The following CNTNAP3B variants were observed in gnomAD, a reference collection of about 807,000 sequenced individuals.
CNTNAP3B encodes the protein contactin-associated protein-like 3B.
CNTNAP3B carries 25 observed loss-of-function variants against 108.9 expected under a neutral mutation model. The observed-to-expected ratio is 0.23, with a 90% confidence interval of 0.17 to 0.32. The LOEUF (loss-of-function observed/expected upper bound fraction) is 0.32, where lower values mean the gene tolerates loss of function less well. Among genes scored for constraint, CNTNAP3B ranks in the 10% least tolerant of loss-of-function variants. The probability of loss-of-function intolerance (pLI) is 1.00; values close to 1 mark genes in which losing one functional copy is unlikely to be tolerated. For synonymous variants in CNTNAP3B, 103 were observed against 473.4 expected (o/e 0.22, Z 10.16); for missense variants, 252 against 1,210.4 (o/e 0.21, Z 11.75).
intron 13 of CNTNAP3B, among the ~76,000 whole-genome samples, chr9:41,952,159 C>T (rs1442649236): frequency 5.2e-5 from 8 of 152,384 alleles, no homozygotes; most frequent in African/African-American, 1.7e-4. Context: ...GTTAGTGGAT[C>T]AGCGCAAACC....
chr9:42,127,691 A>C lies in CNTNAP3B; in HGVS notation c.85+1319T>G, dbSNP rs1452614530. On this transcript the variant is annotated intron_variant, in intron 1 of 23. Coordinates refer to ENST00000377561, the MANE Select transcript of CNTNAP3B (RefSeq NM_001201380.3). ...CAAAAGCAGATTAAAGTTGAATCTGAAACACGGTACAGCATCTGACCAAAG... is the reference window on the plus strand; with the variant it reads ...CAAAAGCAGATTAAAGTTGAATCTGCAACACGGTACAGCATCTGACCAAAG... Among the ~76,000 whole-genome samples the C allele has an allele frequency of 5.0e-5, 7 of 139,976 alleles. 2 individuals carry two copies. Among genetic ancestry groups the C allele is most frequent in the Non-Finnish European group, 1.1e-4 (7 of 65,200 alleles). The allele number at this position is 139,976 out of a possible 152,430, so 91.8% of individuals were successfully genotyped here.
Position 42,083,142 on chromosome 9 carries a change from C to T in CNTNAP3B, c.197-6080G>A, listed in dbSNP as rs1012350944. Among the ~76,000 whole-genome samples the T allele has an allele frequency of 1.6e-5, 2 of 126,884 alleles. 1 individual carries two copies. Among genetic ancestry groups the T allele is most frequent in the African/African-American group, 6.5e-5 (2 of 30,742 alleles). 83.2% of individuals were successfully genotyped at this position (126,884 alleles called of 152,430 possible). A position where few individuals can be genotyped will look rare whatever the true frequency, so the allele number is the denominator to read the frequency against. On this transcript the variant is annotated intron_variant, in intron 2 of 23. Coordinates refer to ENST00000377561, the MANE Select transcript of CNTNAP3B (RefSeq NM_001201380.3). ...ATGTTCTTTCATCAGAGAACATAAT[C>T]CTAAACATGCAAACACTTAATAACA...
chr9:41,925,984 G>A lies in CNTNAP3B; in HGVS notation c.2366-1891C>T, dbSNP rs1465653855. Among the ~76,000 whole-genome samples the A allele has an allele frequency of 2.0e-5, 3 of 152,410 alleles. No individual in the cohort carries two copies. The East Asian group carries it at 5.8e-4, about 29-fold the overall frequency. On this transcript the variant is annotated intron_variant, in intron 15 of 23. Transcript: ENST00000377561. ...GGTGTCATTGCTTCTAGCCCTCTCA[G>A]TAGTCAGCTAGGAAATATGTGTATT...
intron 2 of CNTNAP3B, among the ~76,000 whole-genome samples, chr9:42,095,606 A>C (rs1475200795): frequency 7.3e-6 from 1 of 137,912 alleles, no homozygotes; most frequent in East Asian, 2.2e-4. Context: ...TCACAAACTC[A>C]TGAGGGAAAA....
At chr9:41,940,136 TATC>T (rs1206711480) in intron 13 of CNTNAP3B, among the ~76,000 whole-genome samples, 1 of 152,268 alleles carries the variant, frequency 6.6e-6, no homozygotes, top group African/African-American at 2.4e-5. Context: ...TATCAGACAA[TATC>T]ATCCGAATCT....
intron 3 of CNTNAP3B, among the ~76,000 whole-genome samples, chr9:42,030,775 AGAGAGAGAGATGTGTGC>A (rs1826503210): frequency 8.5e-6 from 1 of 117,566 alleles, no homozygotes; most frequent in Non-Finnish European, 1.7e-5. Context: ...AGAGAGAGAG[AGAGAGAGAGATGTGTGC>A]GAGAGAGAGA....
chr9:42,078,694 G>T (rs1371910791), intron 2 of CNTNAP3B, among the ~76,000 whole-genome samples: 1 of 129,050 alleles, frequency 7.7e-6, no homozygotes, highest in Non-Finnish European at 1.6e-5. Context: ...CTATAGATCA[G>T]GGGCATCCTC....
chr9:42,082,916 G>T (rs1397957047), intron 2 of CNTNAP3B, among the ~76,000 whole-genome samples: 5 of 139,588 alleles, frequency 3.6e-5, no homozygotes, highest in African/African-American at 5.7e-5. Context: ...AGATGAGAAA[G>T]CAAGATCCAA....
At chr9:41,917,999 G>A (rs1348733051) in intron 18 of CNTNAP3B, among the ~76,000 whole-genome samples, 317 of 151,284 alleles carry the variant, frequency 2.1e-3, no homozygotes, top group African/African-American at 6.9e-3. Flanking sequence ...TTCATTTGAT[G>A]TATTTCCTTA....
chr9:42,019,683 C>T (rs1403235392), intron 3 of CNTNAP3B, among the ~76,000 whole-genome samples: 1 of 149,262 alleles, frequency 6.7e-6, no homozygotes, highest in African/African-American at 2.5e-5. Context: ...ATCACATGAA[C>T]CTGGGAGGTG....
intron 18 of CNTNAP3B, among the ~76,000 whole-genome samples, chr9:41,919,004 A>G (rs1350033712): frequency 6.6e-6 from 1 of 152,244 alleles, no homozygotes; most frequent in Non-Finnish European, 1.5e-5. Flanking sequence ...AACAGCCCAG[A>G]GACACTTAAA....
At chr9:42,110,900 T>A (rs1264393107) in intron 1 of CNTNAP3B, among the ~76,000 whole-genome samples, 2 of 140,198 alleles carry the variant, frequency 1.4e-5, no homozygotes, top group Admixed American at 1.4e-4. Flanking sequence ...AGGGAATGCT[T>A]CGGAAAAAGT....
chr9:41,935,597 G>A (rs1162226895), intron 14 of CNTNAP3B, among the ~76,000 whole-genome samples: 1 of 152,268 alleles, frequency 6.6e-6, no homozygotes, highest in Non-Finnish European at 1.5e-5. Flanking sequence ...AATTAAAATA[G>A]AAATTGTAAT....
chr9:41,977,786 A>ATTTT lies in CNTNAP3B; in HGVS notation c.1478-7545_1478-7542dup, dbSNP rs71288160. Among the ~76,000 whole-genome samples the ATTTT allele has an allele frequency of 5.5e-3, 494 of 90,510 alleles. 30 individuals carry two copies. In the Middle Eastern group the frequency reaches 0.065, roughly 12 times the overall value. 59.4% of individuals were successfully genotyped at this position (90,510 alleles called of 152,430 possible). A position where few individuals can be genotyped will look rare whatever the true frequency, so the allele number is the denominator to read the frequency against. On this transcript the variant is annotated intron_variant, in intron 9 of 23. Coordinates refer to ENST00000377561, the MANE Select transcript of CNTNAP3B (RefSeq NM_001201380.3). Reference sequence around the variant, plus strand: ...AGGCGCCCACCACCATGCCCAGCTAATTTTTTTTTTTTTTTTTTGTATTTT... The same window carrying ATTTT: ...AGGCGCCCACCACCATGCCCAGCTAATTTTTTTTTTTTTTTTTTTTTTGTATTTT...
At chr9:41,962,130 C>A (rs1388329771) in intron 11 of CNTNAP3B, among the ~76,000 whole-genome samples, 1 of 152,158 alleles carries the variant, frequency 6.6e-6, no homozygotes, top group Non-Finnish European at 1.5e-5. Context: ...TAATTGAATA[C>A]AATTGATTTT....
chr9:41,997,348 T>G (rs1358693585), intron 6 of CNTNAP3B, among the ~76,000 whole-genome samples: 2 of 152,222 alleles, frequency 1.3e-5, no homozygotes, highest in Non-Finnish European at 2.9e-5. Flanking sequence ...GTGGATTTCC[T>G]AAACCTAACA....
At chr9:41,919,000 C>T (rs1256010822) in intron 18 of CNTNAP3B, among the ~76,000 whole-genome samples, 2 of 152,182 alleles carry the variant, frequency 1.3e-5, no homozygotes, top group African/African-American at 2.4e-5. Flanking sequence ...GTGTAACAGC[C>T]CAGAGACACT....
At chr9:42,044,621 C>A (rs1271091498) in intron 3 of CNTNAP3B, among the ~76,000 whole-genome samples, 2 of 143,284 alleles carry the variant, frequency 1.4e-5, no homozygotes, top group Admixed American at 1.4e-4. Flanking sequence ...TGAGGACAAC[C>A]GACTCAGACG....
intron 12 of CNTNAP3B, among the ~76,000 whole-genome samples, chr9:41,954,460 CTCTT>C (rs1824795576): frequency 1.3e-5 from 2 of 152,394 alleles, no homozygotes; most frequent in South Asian, 4.1e-4. Flanking sequence ...ACTGAAATAT[CTCTT>C]TAGTCACAGA....
Sources: gnomAD v4.1 joint callset for allele counts (sites outside exome capture counted in the v4.1 genomes callset) on GRCh38, gnomAD v4.1.1 for gene constraint, MANE v1.5 for transcripts, NCBI Gene and HGNC (gene_info 2026-07-23, HGNC 2026-07-21) for gene names.